TSPEAR: variants seen among roughly 807,000 people sequenced by gnomAD.
TSPEAR encodes thrombospondin type laminin G domain and EAR repeats, also known as thrombospondin-type laminin G domain and EAR repeat-containing protein.
TSPEAR carries 69 observed loss-of-function variants against 71.6 expected under a neutral mutation model. The ratio of observed to expected loss-of-function variants is 0.96; its 90% confidence interval spans 0.79 to 1.18. TSPEAR has a LOEUF of 1.18. Among genes scored for constraint, TSPEAR ranks in the 50% most tolerant of loss-of-function variants. TSPEAR has a pLI of 0.00. For missense variants in TSPEAR, 971 were observed against 894.9 expected (o/e 1.09, Z -1.09); for synonymous variants, 402 against 387.2 (o/e 1.04, Z -0.45).
At chr21:44,611,790 C>T (rs1407393807) in intron 1 of TSPEAR, among the ~76,000 whole-genome samples, 9 of 152,138 alleles carry the variant, frequency 5.9e-5, no homozygotes, top group African/African-American at 1.2e-4. Flanking sequence ...TGCCAACTCA[C>T]GATCTGTTCA....
At chr21:44,579,947 G>C (rs1555924705) in intron 1 of TSPEAR, 1 of 1,614,140 alleles carries the variant, frequency 6.2e-7, no homozygotes, top group South Asian at 1.1e-5. Context: ...GCAGGAGGTG[G>C]TGCAGCAAGC....
chr21:44,685,194 C>T (rs1197158982), intron 1 of TSPEAR, among the ~76,000 whole-genome samples: 2 of 152,174 alleles, frequency 1.3e-5, no homozygotes, highest in African/African-American at 2.4e-5. Context: ...CACAGGAGGA[C>T]CCACACAGGA....
intron 1 of TSPEAR, among the ~76,000 whole-genome samples, chr21:44,684,748 G>A (rs180809554): frequency 4.3e-4 from 65 of 152,302 alleles, no homozygotes; most frequent in Non-Finnish European, 6.0e-4. Flanking sequence ...AGGCCAGGTG[G>A]GCCCTGACCT....
At position 44,509,371 on chromosome 21, in the gene TSPEAR, C is replaced by G; in HGVS notation, c.1582G>C (p.Asp528His). 1 of 1,613,496 alleles carries G rather than the reference C, an allele frequency of 6.2e-7. No individual in the cohort carries two copies. The change falls in exon 10 of 12, where the codon GAC becomes CAC. Residue 528 changes from aspartate to histidine, a missense_variant. Coordinates refer to ENST00000323084, the MANE Select transcript of TSPEAR (RefSeq NM_144991.3). ...TCCCCGATCTGGAAGACCTCCCAGT[C>G]TGCAGCACCGAACGTCTAGGACCAA... ...FQSFPTFGAA[D>H]WEVFQIGERI...
intron 2 of TSPEAR, among the ~76,000 whole-genome samples, chr21:44,559,148 G>A (rs1293328372): frequency 6.6e-6 from 1 of 152,226 alleles, no homozygotes; most frequent in East Asian, 1.9e-4. Context: ...CCTAAGGAGG[G>A]ATGAGGTTAG....
intron 1 of TSPEAR, among the ~76,000 whole-genome samples, chr21:44,611,788 C>A (rs587750839): frequency 4.1e-4 from 63 of 152,282 alleles, no homozygotes; most frequent in African/African-American, 1.5e-3. Context: ...CTTGCCAACT[C>A]ACGATCTGTT....
intron 1 of TSPEAR, among the ~76,000 whole-genome samples, chr21:44,570,132 C>T (rs1317853730): frequency 6.6e-6 from 1 of 152,170 alleles, no homozygotes; most frequent in Non-Finnish European, 1.5e-5. Flanking sequence ...GGGCCACCAT[C>T]CAGAAGGTGC....
intron 1 of TSPEAR, chr21:44,580,039 AG>A: frequency 6.3e-7 from 1 of 1,593,986 alleles, no homozygotes; most frequent in Non-Finnish European, 8.6e-7. Flanking sequence ...TGCAGCAGAC[AG>A]GCTTGCAACA....
intron 11 of TSPEAR, among the ~76,000 whole-genome samples, chr21:44,502,605 C>G (rs1004925465): frequency 9.9e-5 from 15 of 152,278 alleles, no homozygotes; most frequent in African/African-American, 3.4e-4. Context: ...GATGTCCACA[C>G]GCCGCATCCC....
intron 1 of TSPEAR, among the ~76,000 whole-genome samples, chr21:44,573,163 C>T (rs1201687926): frequency 1.3e-5 from 2 of 152,148 alleles, no homozygotes; most frequent in African/African-American, 2.4e-5. Context: ...AGCATACAAA[C>T]CATGACTCAC....
chr21:44,662,366 C>T lies in TSPEAR; in HGVS notation c.82+49067G>A, dbSNP rs1019807661. Reference sequence around the variant, plus strand: ...TATATTAATATCAAAGTCAACTTCACAAAAGAAATATTACCAAGGATAAAA... The same window carrying T: ...TATATTAATATCAAAGTCAACTTCATAAAAGAAATATTACCAAGGATAAAA... On this transcript the variant is annotated intron_variant, in intron 1 of 11. Coordinates refer to ENST00000323084, the MANE Select transcript of TSPEAR (RefSeq NM_144991.3). Among the ~76,000 whole-genome samples, 3 of 152,120 alleles carry T rather than the reference C, an allele frequency of 2.0e-5. No homozygotes were observed. In the East Asian group the frequency reaches 5.8e-4, roughly 29 times the overall value.
chr21:44,499,937 C>G lies in TSPEAR; in HGVS notation c.1857-1G>C, dbSNP rs1555910934. ...CACGAAGCCCTCGTAGCCCTGCCAC[C>G]TGCGGAACAGACAGCGGCAGCCGGG... On this transcript the variant is annotated splice_acceptor_variant, in intron 11 of 11. Transcript: ENST00000323084. LOFTEE classifies it high-confidence loss of function. The G allele has an allele frequency of 6.2e-7, 1 of 1,604,064 alleles. No individual in the cohort carries two copies.
chr21:44,580,401 G>C (rs2020218), intron 1 of TSPEAR: 7 of 1,613,088 alleles, frequency 4.3e-6, no homozygotes, highest in East Asian at 2.2e-5. Context: ...GATTGGCAGG[G>C]GCTGGGCTCA....
chr21:44,617,053 C>T (rs1982147136), intron 1 of TSPEAR, among the ~76,000 whole-genome samples: 1 of 152,168 alleles, frequency 6.6e-6, no homozygotes, highest in Admixed American at 6.5e-5. Context: ...CCAAGGGCCC[C>T]AAGCACCTCA....
intron 1 of TSPEAR, among the ~76,000 whole-genome samples, chr21:44,614,191 G>C (rs771498244): frequency 6.6e-6 from 1 of 152,086 alleles, no homozygotes; most frequent in Non-Finnish European, 1.5e-5. Context: ...GACCATTCAC[G>C]ATCTGTGACG....
intron 1 of TSPEAR, chr21:44,697,592 T>A (rs1356440698): frequency 1.1e-5 from 18 of 1,613,886 alleles, no homozygotes; most frequent in Non-Finnish European, 1.4e-5. Flanking sequence ...TTCTTCTTCA[T>A]GCTGCCAGCA....
In TSPEAR at chr21:44,623,875, T is replaced by C. The variant is rs995761014; in HGVS notation, c.83-55870A>G. 6.6e-6 allele frequency among the ~76,000 whole-genome samples: 1 copy of C among 152,236 alleles called. No homozygotes were observed. The highest frequency in any genetic ancestry group is 1.9e-4 in the East Asian group (1 of 5,204). On this transcript the variant is annotated intron_variant, in intron 1 of 11. Coordinates refer to ENST00000323084, the MANE Select transcript of TSPEAR (RefSeq NM_144991.3). The surrounding 1 kb of genome is among the most constrained non-coding windows in gnomAD (Gnocchi z 4.5). Reference sequence around the variant, plus strand: ...CTGTCTTTGGATTTCAGCCCCAATATGCACAGGCATGGTTTCCTTTGTATT... The same window carrying C: ...CTGTCTTTGGATTTCAGCCCCAATACGCACAGGCATGGTTTCCTTTGTATT...
At chr21:44,539,908 C>A in intron 2 of TSPEAR, 5 of 1,614,078 alleles carry the variant, frequency 3.1e-6, no homozygotes, top group Non-Finnish European at 4.2e-6. Context: ...AGCTAGACTG[C>A]TGGCAGCACG....
rs433592 is a variant in TSPEAR at position 44,593,468 on chromosome 21, G to T, written c.83-25463C>A. Reference sequence around the variant, plus strand: ...AAGTTGATCTCACTGCAAACCCATTGCCAGTGTAAACGAAACATAAAATCC... The same window carrying T: ...AAGTTGATCTCACTGCAAACCCATTTCCAGTGTAAACGAAACATAAAATCC... On this transcript the variant is annotated intron_variant, in intron 1 of 11. Coordinates refer to ENST00000323084, the MANE Select transcript of TSPEAR (RefSeq NM_144991.3). The surrounding 1 kb of genome is among the most constrained non-coding windows in gnomAD (Gnocchi z 5.9). Among the ~76,000 whole-genome samples the T allele has an allele frequency of 0.013, 1,979 of 152,314 alleles. 17 individuals are homozygous for T. Among genetic ancestry groups the T allele is most frequent in the Non-Finnish European group, 0.022 (1,470 of 68,022 alleles).
Sources: gnomAD v4.1 joint callset for allele counts (sites outside exome capture counted in the v4.1 genomes callset) on GRCh38, gnomAD v4.1.1 for gene constraint, Gnocchi (gnomAD v3.1) non-coding constraint, MANE v1.5 for transcripts, NCBI Gene and HGNC (gene_info 2026-07-23, HGNC 2026-07-21) for gene names.